Variants in QTMAN observed in about 807,000 individuals in gnomAD.
QTMAN encodes the protein queuosine-tRNA mannosyltransferase, also known as tRNA-queuosine alpha-mannosyltransferase.
the QTMAN span, among the ~76,000 whole-genome samples, chr2:144,013,379 T>C: frequency 1.1e-4 from 17 of 152,162 alleles, no homozygotes; most frequent in East Asian, 3.3e-3. Flanking sequence ...CTTGAGGCCC[T>C]AGGAGGTGCA....
At chr2:144,110,430 T>C in the QTMAN span, among the ~76,000 whole-genome samples, 2 of 152,048 alleles carry the variant, frequency 1.3e-5, no homozygotes, top group East Asian at 1.9e-4. Flanking sequence ...TTAGGAGATA[T>C]ACCTAATGTA....
At chr2:144,147,832 G>A in the QTMAN span, among the ~76,000 whole-genome samples, 37 of 151,970 alleles carry the variant, frequency 2.4e-4, no homozygotes, top group African/African-American at 8.9e-4. Flanking sequence ...ATTTCCAAAT[G>A]TGATACACTG....
the QTMAN span, among the ~76,000 whole-genome samples, chr2:144,323,231 T>C: frequency 6.6e-6 from 1 of 152,214 alleles, no homozygotes; most frequent in Non-Finnish European, 1.5e-5. Flanking sequence ...ATTTTTCCTC[T>C]AGACAGGCAA....
At chr2:144,189,351 T>C in the QTMAN span, among the ~76,000 whole-genome samples, 19 of 152,302 alleles carry the variant, frequency 1.2e-4, no homozygotes, top group Non-Finnish European at 2.8e-4. Context: ...GGCTATCCCC[T>C]AAGGCAGTAC....
the QTMAN span, among the ~76,000 whole-genome samples, chr2:144,076,203 C>A: frequency 6.6e-6 from 1 of 152,026 alleles, no homozygotes; most frequent in Non-Finnish European, 1.5e-5. Flanking sequence ...GCCAAGATTG[C>A]GCCACTGCAC....
At chr2:144,010,517 G>A in the QTMAN span, among the ~76,000 whole-genome samples, 2 of 152,094 alleles carry the variant, frequency 1.3e-5, no homozygotes, top group Admixed American at 6.6e-5. Context: ...AGACCATGCT[G>A]AATTGGACAA....
At chr2:144,113,073 C>A in the QTMAN span, among the ~76,000 whole-genome samples, 1 of 152,136 alleles carries the variant, frequency 6.6e-6, no homozygotes, top group Non-Finnish European at 1.5e-5. Flanking sequence ...TAGACAATCA[C>A]TCATCATACG....
the QTMAN span, among the ~76,000 whole-genome samples, chr2:144,252,707 C>T: frequency 2.6e-5 from 4 of 152,186 alleles, no homozygotes; most frequent in Admixed American, 2.0e-4. Flanking sequence ...CAAAATTTAA[C>T]ATGCTCTTAC....
chr2:144,102,429 A>C, the QTMAN span, among the ~76,000 whole-genome samples: 3 of 152,310 alleles, frequency 2.0e-5, no homozygotes, highest in South Asian at 6.2e-4. Flanking sequence ...AAGTAACTTT[A>C]TGGGGTTGTT....
the QTMAN span, among the ~76,000 whole-genome samples, chr2:144,283,851 G>C: frequency 7.4e-4 from 112 of 152,050 alleles, no homozygotes; most frequent in Non-Finnish European, 1.3e-3. Flanking sequence ...TGTGACTCTA[G>C]TATGTCTTTC....
At chr2:144,152,564 C>T in the QTMAN span, among the ~76,000 whole-genome samples, 1 of 152,166 alleles carries the variant, frequency 6.6e-6, no homozygotes, top group East Asian at 1.9e-4. Context: ...TCTATAAATA[C>T]ATTGAAATTT....
chr2:144,167,177 A>G, the QTMAN span, among the ~76,000 whole-genome samples: 2 of 152,196 alleles, frequency 1.3e-5, no homozygotes, highest in Non-Finnish European at 2.9e-5. Flanking sequence ...TTAATGTATT[A>G]TAGATTGATG....
At chr2:144,209,250 A>G in the QTMAN span, among the ~76,000 whole-genome samples, 1 of 152,236 alleles carries the variant, frequency 6.6e-6, no homozygotes, top group Admixed American at 6.5e-5. Flanking sequence ...TCCTTCATTT[A>G]TAAGGCCCTT....
the QTMAN span, among the ~76,000 whole-genome samples, chr2:144,308,216 G>C: frequency 2.7e-5 from 4 of 148,500 alleles, no homozygotes; most frequent in Non-Finnish European, 4.4e-5. Context: ...ACCTGGGCTG[G>C]AGTGCAGTGG....
the QTMAN span, chr2:144,145,983 T>TAAAAAAAAAAAAAAAAAAAAAAAAA: frequency 1.5e-4 from 3 of 19,472 alleles, no homozygotes; most frequent in African/African-American, 2.6e-4. Flanking sequence ...TGAGAAATGT[T>TAAAAAAAAAAAAAAAAAAAAAAAAA]AAAAAAAAAA....
chr2:144,203,230 A>T, the QTMAN span, among the ~76,000 whole-genome samples: 3 of 152,050 alleles, frequency 2.0e-5, no homozygotes, highest in Admixed American at 1.3e-4. Flanking sequence ...TATGAGAAAC[A>T]GAAGAGTGGG....
At chr2:143,999,430 A>T in the QTMAN span, among the ~76,000 whole-genome samples, 6 of 152,156 alleles carry the variant, frequency 3.9e-5, no homozygotes, top group Admixed American at 3.3e-4. Context: ...GCCTTAAAAA[A>T]AAAAGTAGAA....
At chr2:144,275,802 G>A in the QTMAN span, among the ~76,000 whole-genome samples, 2 of 152,156 alleles carry the variant, frequency 1.3e-5, no homozygotes, top group African/African-American at 4.8e-5. Flanking sequence ...CAAGACACAA[G>A]ACCACCTGAG....
At chr2:144,263,700 G>A in the QTMAN span, among the ~76,000 whole-genome samples, 1 of 152,202 alleles carries the variant, frequency 6.6e-6, no homozygotes, top group Non-Finnish European at 1.5e-5. Flanking sequence ...TCCTGCCTGG[G>A]TGACAGAGTG....
Sources: gnomAD v4.1 joint callset for allele counts (sites outside exome capture counted in the v4.1 genomes callset) on GRCh38, gnomAD v4.1.1 for gene constraint, MANE v1.5 for transcripts, NCBI Gene and HGNC (gene_info 2026-07-23, HGNC 2026-07-21) for gene names.